SNTG2: variants seen among roughly 807,000 people sequenced by gnomAD.
The protein encoded by SNTG2 is syntrophin gamma 2.
A neutral mutation model predicts 70.9 loss-of-function variants in SNTG2; 74 were observed. The ratio of observed to expected loss-of-function variants is 1.04; its 90% CI spans 0.86 to 1.27. SNTG2 has a LOEUF of 1.27. Ranked by LOEUF, SNTG2 falls within the 50% of genes most tolerant of loss-of-function variation. SNTG2 has a pLI of 0.00. For synonymous variants in SNTG2, 278 were observed against 273.8 expected, an observed-to-expected ratio of 1.02 and a Z score of -0.15; for missense variants, 717 against 690.7, an observed-to-expected ratio of 1.04 and a Z score of -0.43.
chr2:1,020,878 C>T (rs1230805328), intron 1 of SNTG2, among the ~76,000 whole-genome samples: 3 of 152,106 alleles, frequency 2.0e-5, no homozygotes, highest in Admixed American at 6.6e-5. Context: ...TGAAAATATC[C>T]TACCAACAAT....
intron 6 of SNTG2, among the ~76,000 whole-genome samples, chr2:1,165,316 C>G (rs1670632531): frequency 6.6e-6 from 1 of 151,746 alleles, no homozygotes. Context: ...CGGGCAGACC[C>G]CTGCTCACTC....
At chr2:1,165,721 G>C (rs1040708933) in intron 7 of SNTG2, 86 bp downstream of exon 7, 3 of 1,140,598 alleles carry the variant, frequency 2.6e-6, no homozygotes, top group Non-Finnish European at 3.8e-6. Flanking sequence ...ACATGGACTG[G>C]GATATTAATC....
At chr2:1,161,331 C>T (rs1158209459) in intron 6 of SNTG2, 1 of 151,832 alleles carries the variant, frequency 6.6e-6, no homozygotes, top group African/African-American at 2.4e-5. Context: ...ATGGCAAATA[C>T]ATTGTGCACA....
intron 2 of SNTG2, among the ~76,000 whole-genome samples, chr2:1,093,139 G>A (rs1191443930): frequency 6.6e-6 from 1 of 152,176 alleles, no homozygotes; most frequent in East Asian, 1.9e-4. Flanking sequence ...CATGGAATAG[G>A]GGAGTCAGGC....
chr2:1,031,528 A>ATATATATATATATATATATATTTT, intron 1 of SNTG2, among the ~76,000 whole-genome samples: 17 of 59,102 alleles, frequency 2.9e-4, no homozygotes, highest in Non-Finnish European at 5.3e-4. Flanking sequence ...ATATATATAT[A>ATATATATATATATATATATATTTT]TTTTTTTTTT....
intron 14 of SNTG2, among the ~76,000 whole-genome samples, chr2:1,273,241 T>TTGCTCTCTGGTCTGAGC (rs1679129214): frequency 6.6e-6 from 1 of 152,196 alleles, no homozygotes. Flanking sequence ...GGACTTAGGT[T>TTGCTCTCTGGTCTGAGC]TGCTCTCTGG....
chr2:1,067,888 G>A (rs958428671), intron 1 of SNTG2, among the ~76,000 whole-genome samples: 3 of 152,124 alleles, frequency 2.0e-5, no homozygotes, highest in African/African-American at 4.8e-5. Flanking sequence ...CGCTTTCCCC[G>A]GGAGGAAGTG....
At chr2:1,209,624 TAATAA>T (rs1558534226) in intron 9 of SNTG2, among the ~76,000 whole-genome samples, 1 of 152,222 alleles carries the variant, frequency 6.6e-6, no homozygotes, top group Non-Finnish European at 1.5e-5. Flanking sequence ...TTTTCTTCAG[TAATAA>T]AATGAGAGGG....
intron 12 of SNTG2, among the ~76,000 whole-genome samples, chr2:1,255,873 AATATATATATAAATATATATAAAT>A (rs1461147377): frequency 7.6e-5 from 2 of 26,204 alleles, no homozygotes; most frequent in African/African-American, 3.1e-4. Context: ...AATATATATA[AATATATATATAAATATATATAAAT>A]ATATATATAA....
At chr2:1,231,935 C>T (rs765014318) in intron 9 of SNTG2, among the ~76,000 whole-genome samples, 4 of 152,194 alleles carry the variant, frequency 2.6e-5, no homozygotes, top group Non-Finnish European at 4.4e-5. Context: ...CACACAGGCT[C>T]GTGATGGCTC....
In SNTG2 at chr2:977,764, C is replaced by T. The variant is rs114572946; in HGVS notation, c.72+26696C>T. The stretch of plus-strand genomic sequence containing the variant: ...GATCAGGACCTGCCTGCGTTGCCAA[C>T]GTCACGGCCATGTGGTTCTTCCATA... On this transcript the variant is annotated intron_variant, in intron 1 of 16. Transcript: ENST00000308624. 2.6e-3 allele frequency among the ~76,000 whole-genome samples: 403 copies of T among 152,194 alleles called. 3 individuals are homozygous for T. Among genetic ancestry groups the T allele is most frequent in the Non-Finnish European group, 4.0e-3 (274 of 68,008 alleles).
At chr2:1,162,367 G>T (rs1670374500) in intron 6 of SNTG2, among the ~76,000 whole-genome samples, 1 of 152,190 alleles carries the variant, frequency 6.6e-6, no homozygotes, top group Non-Finnish European at 1.5e-5. Context: ...CTCACATACG[G>T]AAGCTGTGTG....
At chr2:1,058,987 C>A (rs1285536972) in intron 1 of SNTG2, 1 of 152,270 alleles carries the variant, frequency 6.6e-6, no homozygotes, top group East Asian at 1.9e-4. Flanking sequence ...TGGGCTCCGT[C>A]TTCAAATGTT....
At chr2:1,224,833 A>G (rs1675661620) in intron 9 of SNTG2, among the ~76,000 whole-genome samples, 1 of 152,160 alleles carries the variant, frequency 6.6e-6, no homozygotes, top group African/African-American at 2.4e-5. Context: ...TTTCCATCCC[A>G]GGAGAAAGAA....
intron 9 of SNTG2, among the ~76,000 whole-genome samples, chr2:1,237,145 G>C (rs1210620794): frequency 6.6e-6 from 1 of 151,826 alleles, no homozygotes; most frequent in African/African-American, 2.4e-5. Context: ...ACTTCACCAT[G>C]TTGGCCAGGC....
At chr2:1,245,133 A>T (rs1358618621) in intron 11 of SNTG2, among the ~76,000 whole-genome samples, 2 of 62,786 alleles carry the variant, frequency 3.2e-5, no homozygotes. Flanking sequence ...GGGTGGGGGG[A>T]GGGGGGAGGG....
At chr2:1,262,212 A>C (rs1317953542) in intron 13 of SNTG2, among the ~76,000 whole-genome samples, 1 of 152,144 alleles carries the variant, frequency 6.6e-6, no homozygotes, top group Non-Finnish European at 1.5e-5. Flanking sequence ...GGGTTTCTAC[A>C]AGTTGGGATG....
At chr2:1,347,099 A>G (rs62105576) in intron 16 of SNTG2, among the ~76,000 whole-genome samples, 9 of 148,008 alleles carry the variant, frequency 6.1e-5, no homozygotes, top group East Asian at 2.0e-4. Context: ...GGAAAAAAAA[A>G]GGTGAGAGCT....
intron 1 of SNTG2, among the ~76,000 whole-genome samples, chr2:1,042,767 C>G (rs1661511840): frequency 6.6e-6 from 1 of 152,166 alleles, no homozygotes; most frequent in South Asian, 2.1e-4. Flanking sequence ...ATCTGCTCCA[C>G]TGTTGATGGG....
Sources: gnomAD v4.1 joint callset for allele counts (sites outside exome capture counted in the v4.1 genomes callset) on GRCh38, gnomAD v4.1.1 for gene constraint, MANE v1.5 for transcripts, NCBI Gene and HGNC (gene_info 2026-07-23, HGNC 2026-07-21) for gene names.